Variants in ZBTB16 observed in about 807,000 individuals in gnomAD.
The protein encoded by ZBTB16 is zinc finger and BTB domain-containing protein 16.
ZBTB16 carries 8 observed loss-of-function variants against 56.8 expected under a neutral mutation model. The observed-to-expected ratio is 0.14, with a 90% CI of 0.08 to 0.25. The LOEUF (loss-of-function observed/expected upper bound fraction) is 0.25, where lower values mean the gene tolerates loss of function less well. Among genes scored for constraint, ZBTB16 ranks in the 10% least tolerant of loss-of-function variants. ZBTB16 has a pLI of 1.00. For missense variants in ZBTB16, 625 were observed against 903.0 expected (o/e 0.69, Z 3.95); for synonymous variants, 363 against 368.5 (o/e 0.98, Z 0.17).
At chr11:114,166,373 C>G (rs1942758303) in intron 3 of ZBTB16, among the ~76,000 whole-genome samples, 1 of 151,932 alleles carries the variant, frequency 6.6e-6, no homozygotes, top group South Asian at 2.1e-4. Context: ...TTGGACAGTC[C>G]TTTGGGTAGA....
intron 3 of ZBTB16, among the ~76,000 whole-genome samples, chr11:114,167,507 T>C (rs1446534872): frequency 6.6e-6 from 1 of 151,174 alleles, no homozygotes; most frequent in East Asian, 1.9e-4. Flanking sequence ...TTTGATGTGG[T>C]AAATGGAACA....
At chr11:114,159,928 C>A (rs1017582662) in intron 3 of ZBTB16, among the ~76,000 whole-genome samples, 1 of 48,986 alleles carries the variant, frequency 2.0e-5, no homozygotes, top group Non-Finnish European at 3.4e-5. Flanking sequence ...GAACCCTGGG[C>A]GGGGGAGGCG....
In ZBTB16 at chr11:114,256,395, C is replaced by T. The variant is rs376203798; in HGVS notation, c.*5840C>T. On this transcript the variant is annotated 3_prime_UTR_variant, in exon 7 of 7. Coordinates refer to ENST00000335953, the MANE Select transcript of ZBTB16 (RefSeq NM_006006.6). ...CTACCATGCTAGCGGGCCGCTGAGTCGGAATCCGTGGCTGTGTTAGGATAA... is the reference window on the plus strand; with the variant it reads ...CTACCATGCTAGCGGGCCGCTGAGTTGGAATCCGTGGCTGTGTTAGGATAA... Among the ~76,000 whole-genome samples, 22 of 152,242 alleles carry T rather than the reference C, an allele frequency of 1.4e-4. No individual in the cohort carries two copies. The South Asian group carries it at 4.6e-3, about 32-fold the overall frequency.
intron 2 of ZBTB16, among the ~76,000 whole-genome samples, chr11:114,138,396 G>T (rs1941853021): frequency 6.6e-6 from 1 of 152,146 alleles, no homozygotes; most frequent in African/African-American, 2.4e-5. Flanking sequence ...AGGTTGCCTG[G>T]AGCCTACATT....
chr11:114,193,099 G>A (rs1266590298), intron 4 of ZBTB16, among the ~76,000 whole-genome samples: 2 of 152,206 alleles, frequency 1.3e-5, no homozygotes, highest in African/African-American at 4.8e-5. Flanking sequence ...GAATGTGGTG[G>A]TCTGGGCCTT....
intron 4 of ZBTB16, among the ~76,000 whole-genome samples, chr11:114,190,594 T>C (rs1195380589): frequency 6.6e-6 from 1 of 152,160 alleles, no homozygotes; most frequent in Admixed American, 6.5e-5. Flanking sequence ...CTGTACACTT[T>C]AAAAGACATG....
Position 114,084,112 on chromosome 11 carries a change from C to A in ZBTB16, c.1268+19544C>A, listed in dbSNP as rs577778704. 5.3e-5 allele frequency among the ~76,000 whole-genome samples: 8 copies of A among 152,320 alleles called. No individual in the cohort carries two copies. The South Asian group carries it at 1.7e-3, about 32-fold the overall frequency. On this transcript the variant is annotated intron_variant, in intron 2 of 6. Transcript: ENST00000335953. Reference sequence around the variant, plus strand: ...TGTCTCCATCCTATTGTTTCCATTGCATGCTCTCAGGTTATTTCCTTTGTT... The same window carrying A: ...TGTCTCCATCCTATTGTTTCCATTGAATGCTCTCAGGTTATTTCCTTTGTT...
At chr11:114,174,252 T>C (rs975787228) in intron 3 of ZBTB16, among the ~76,000 whole-genome samples, 3 of 151,648 alleles carry the variant, frequency 2.0e-5, no homozygotes, top group Middle Eastern at 3.2e-3. Flanking sequence ...TTTTTCTTAA[T>C]AGGCAAAGGA....
At chr11:114,183,555 C>A (rs920453822) in intron 3 of ZBTB16, among the ~76,000 whole-genome samples, 1 of 152,186 alleles carries the variant, frequency 6.6e-6, no homozygotes, top group African/African-American at 2.4e-5. Flanking sequence ...GGCTTCTCGC[C>A]GATTGGAGTG....
chr11:114,157,671 T>C (rs1426903630), intron 3 of ZBTB16, among the ~76,000 whole-genome samples: 1 of 152,234 alleles, frequency 6.6e-6, no homozygotes, highest in Admixed American at 6.5e-5. Context: ...ACTGCCTTGC[T>C]GCAGGGCCCA....
At chr11:114,175,979 GT>G (rs1943101912) in intron 3 of ZBTB16, among the ~76,000 whole-genome samples, 6 of 61,906 alleles carry the variant, frequency 9.7e-5, no homozygotes, top group East Asian at 5.4e-4. Context: ...GGGGAGAGGG[GT>G]GTGTGTGTGT....
At chr11:114,233,398 G>T (rs1179304886) in intron 4 of ZBTB16, among the ~76,000 whole-genome samples, 1 of 151,978 alleles carries the variant, frequency 6.6e-6, no homozygotes, top group African/African-American at 2.4e-5. Context: ...TGTCGGTGTG[G>T]CACTGCCAGG....
chr11:114,245,563 T>C (rs1223673934), intron 5 of ZBTB16, among the ~76,000 whole-genome samples: 1 of 152,132 alleles, frequency 6.6e-6, no homozygotes, highest in East Asian at 1.9e-4. Context: ...GGGGGGAGCT[T>C]TGGTTAGTGG....
intron 2 of ZBTB16, among the ~76,000 whole-genome samples, chr11:114,154,192 C>T (rs987103009): frequency 6.6e-6 from 1 of 152,160 alleles, no homozygotes; most frequent in African/African-American, 2.4e-5. Context: ...TGGTGGCTCC[C>T]AAATCTGAAG....
In ZBTB16 at chr11:114,143,919, G is replaced by A. The variant is rs964932792; in HGVS notation, c.1269-12418G>A. Among the ~76,000 whole-genome samples the A allele has an allele frequency of 2.0e-5, 3 of 152,114 alleles. No individual in the cohort carries two copies. Among genetic ancestry groups the A allele is most frequent in the Non-Finnish European group, 4.4e-5 (3 of 68,030 alleles). ...CGCTGCTTGGCCTCTGTGCTCGTTG[G>A]GCCTCGAGTCACTGGTATTATGCAT... On this transcript the variant is annotated intron_variant, in intron 2 of 6. Transcript: ENST00000335953. This position sits in a 1 kb window ranked among gnomAD's most constrained non-coding sequence, Gnocchi z 6.4.
At chr11:114,139,096 C>G (rs183622942) in intron 2 of ZBTB16, among the ~76,000 whole-genome samples, 253 of 152,336 alleles carry the variant, frequency 1.7e-3, no homozygotes, top group Middle Eastern at 3.4e-3. Flanking sequence ...CAGTCTCTTT[C>G]TCCTCCAGAG....
In ZBTB16 at chr11:114,242,180, C is replaced by A; in HGVS notation, c.1467C>A (p.Ala489=). 6.2e-7 allele frequency: 1 copy of A among 1,613,680 alleles called. No individual in the cohort carries two copies. Among genetic ancestry groups the A allele is most frequent in the Non-Finnish European group, 8.5e-7 (1 of 1,179,884 alleles). ...HRQTHTGTDM[A]VFCLLCGKRF... ...TGTCTCCCACAGGCACTGACATGGCCGTCTTCTGTCTGCTGTGTGGGAAGC... is the reference window on the plus strand; with the variant it reads ...TGTCTCCCACAGGCACTGACATGGCAGTCTTCTGTCTGCTGTGTGGGAAGC... Residue 489 remains alanine (A), a synonymous_variant, in exon 5 of 7, where the codon GCC becomes GCA. Transcript: ENST00000335953.
chr11:114,155,915 C>G (rs1167814089), intron 2 of ZBTB16, among the ~76,000 whole-genome samples: 1 of 152,114 alleles, frequency 6.6e-6, no homozygotes, highest in African/African-American at 2.4e-5. Flanking sequence ...CCTCCTGGGT[C>G]CCATGGGCTC....
At chr11:114,159,193 G>A (rs1942508530) in intron 3 of ZBTB16, among the ~76,000 whole-genome samples, 1 of 152,206 alleles carries the variant, frequency 6.6e-6, no homozygotes, top group South Asian at 2.1e-4. Context: ...CGGTTCCCTG[G>A]GGAAGCTGAC....
Sources: gnomAD v4.1 joint callset for allele counts (sites outside exome capture counted in the v4.1 genomes callset) on GRCh38, gnomAD v4.1.1 for gene constraint, Gnocchi (gnomAD v3.1) non-coding constraint, MANE v1.5 for transcripts, NCBI Gene and HGNC (gene_info 2026-07-23, HGNC 2026-07-21) for gene names.